The following NTM variants were observed in gnomAD, a reference collection of about 807,000 sequenced individuals.
NTM encodes the protein IgLON family member 2.
In NTM, 13 loss-of-function variants were observed where a neutral mutation model predicts 42.1. That is an observed-to-expected ratio of 0.31 (90% CI 0.20 to 0.49). NTM has a LOEUF of 0.49. Among genes scored for constraint, NTM ranks in the 20% least tolerant of loss-of-function variants. NTM has a pLI of 0.99. For synonymous variants in NTM, 187 were observed against 179.2 expected, an observed-to-expected ratio of 1.04 and a Z score of -0.35; for missense variants, 373 against 452.8, an observed-to-expected ratio of 0.82 and a Z score of 1.60.
chr11:131,534,761 T>G (rs1307180591), intron 1 of NTM: 1 of 152,186 alleles, frequency 6.6e-6, no homozygotes, highest in African/African-American at 2.4e-5. Flanking sequence ...CTGAAGTGGT[T>G]GTACTGTGGC....
chr11:131,689,020 T>C (rs2074304622), intron 1 of NTM, among the ~76,000 whole-genome samples: 1 of 151,474 alleles, frequency 6.6e-6, no homozygotes, highest in East Asian at 1.9e-4. Flanking sequence ...TTAGTTTTAA[T>C]TTTACACGTG....
intron 1 of NTM, among the ~76,000 whole-genome samples, chr11:131,378,519 C>T (rs2135504910): frequency 6.6e-6 from 1 of 152,276 alleles, no homozygotes; most frequent in South Asian, 2.1e-4. Context: ...CGTGCTATCT[C>T]ATATATATGA....
In NTM at chr11:131,907,684, G is replaced by A. The variant is rs1304686568; in HGVS notation, c.83-3880G>A. Among the ~76,000 whole-genome samples, 3 of 152,288 alleles carry A rather than the reference G, an allele frequency of 2.0e-5. No individual in the cohort carries two copies. The South Asian group carries it at 6.2e-4, about 32-fold the overall frequency. On this transcript the variant is annotated intron_variant, in intron 1 of 8. Coordinates refer to ENST00000683400, the MANE Select transcript of NTM (RefSeq NM_001352005.2). Reference sequence around the variant, plus strand: ...GAGGGTGGAGGTGGGCGCTCGTTAGGAATCGGCTTTCAAGGAGGCAGAAAG... The same window carrying A: ...GAGGGTGGAGGTGGGCGCTCGTTAGAAATCGGCTTTCAAGGAGGCAGAAAG...
intron 1 of NTM, among the ~76,000 whole-genome samples, chr11:131,901,610 C>T (rs1394583914): frequency 6.6e-6 from 1 of 151,824 alleles, no homozygotes; most frequent in Non-Finnish European, 1.5e-5. Context: ...ACATGTCAAT[C>T]TACCCTTGAT....
At chr11:131,729,703 TG>T (rs1175582949) in intron 1 of NTM, among the ~76,000 whole-genome samples, 1 of 152,256 alleles carries the variant, frequency 6.6e-6, no homozygotes, top group African/African-American at 2.4e-5. Context: ...CTTTTGTTTC[TG>T]GCTTCTTCAT....
chr11:131,614,301 C>T (rs1303266019), intron 1 of NTM, among the ~76,000 whole-genome samples: 1 of 152,234 alleles, frequency 6.6e-6, no homozygotes, highest in East Asian at 1.9e-4. Flanking sequence ...CCATAAATGC[C>T]CCATGCCCAG....
intron 1 of NTM, among the ~76,000 whole-genome samples, chr11:131,635,393 G>A (rs1350634146): frequency 1.3e-5 from 2 of 152,150 alleles, no homozygotes; most frequent in Admixed American, 6.6e-5. Flanking sequence ...CTCAGCTAAT[G>A]TGTGTGTTTG....
At chr11:131,661,048 G>C in intron 1 of NTM, 1 of 1,303,778 alleles carries the variant, frequency 7.7e-7, no homozygotes. Flanking sequence ...GAAGGGCACA[G>C]GTAGGTGCAT....
intron 4 of NTM, among the ~76,000 whole-genome samples, chr11:132,258,863 C>T (rs1005752692): frequency 1.3e-5 from 2 of 152,166 alleles, no homozygotes; most frequent in African/African-American, 2.4e-5. Flanking sequence ...AGACATCCTT[C>T]GTGTGTGTGA....
At chr11:131,746,275 C>T (rs1412129076) in intron 1 of NTM, among the ~76,000 whole-genome samples, 5 of 152,156 alleles carry the variant, frequency 3.3e-5, no homozygotes, top group African/African-American at 4.8e-5. Flanking sequence ...ACATCTTTCA[C>T]GGGCTGGTTG....
At chr11:131,865,685 C>T (rs997874296) in intron 1 of NTM, among the ~76,000 whole-genome samples, 1 of 151,782 alleles carries the variant, frequency 6.6e-6, no homozygotes, top group Non-Finnish European at 1.5e-5. Flanking sequence ...CACTCACATA[C>T]ACACCAAAAA....
chr11:131,791,441 A>G (rs191470407), intron 1 of NTM, among the ~76,000 whole-genome samples: 2 of 152,362 alleles, frequency 1.3e-5, no homozygotes, highest in South Asian at 2.1e-4. Context: ...CAATATATGC[A>G]TACAGAGAAA....
At chr11:131,498,748 G>A (rs1289439389) in intron 1 of NTM, among the ~76,000 whole-genome samples, 5 of 152,182 alleles carry the variant, frequency 3.3e-5, no homozygotes, top group African/African-American at 1.2e-4. Context: ...GGAAGGGCTG[G>A]GGGGAAGCCA....
chr11:131,471,221 TTCTA>T (rs1270336968), intron 1 of NTM, among the ~76,000 whole-genome samples: 1 of 152,216 alleles, frequency 6.6e-6, no homozygotes, highest in African/African-American at 2.4e-5. Flanking sequence ...CCCAAGATAA[TTCTA>T]TCTGTGATTT....
chr11:132,254,065 C>G (rs1229915087), intron 4 of NTM, among the ~76,000 whole-genome samples: 1 of 152,276 alleles, frequency 6.6e-6, no homozygotes, highest in East Asian at 1.9e-4. Flanking sequence ...GCCAAAGCCT[C>G]CTCTCACCTG....
At chr11:132,219,061 C>T (rs1056493768) in intron 4 of NTM, among the ~76,000 whole-genome samples, 2 of 152,176 alleles carry the variant, frequency 1.3e-5, no homozygotes, top group African/African-American at 4.8e-5. Flanking sequence ...TTTCTCCACA[C>T]ACCACAGTCA....
intron 4 of NTM, among the ~76,000 whole-genome samples, chr11:132,220,922 G>A (rs2085020063): frequency 6.6e-6 from 1 of 152,178 alleles, no homozygotes; most frequent in African/African-American, 2.4e-5. Flanking sequence ...GCACCCATAA[G>A]AGTCAGCACC....
chr11:131,886,419 C>A (rs1189171542), intron 1 of NTM, among the ~76,000 whole-genome samples: 1 of 151,576 alleles, frequency 6.6e-6, no homozygotes, highest in Non-Finnish European at 1.5e-5. Flanking sequence ...AGCCTCTTCC[C>A]CGTTCCCCAC....
intron 1 of NTM, among the ~76,000 whole-genome samples, chr11:131,628,364 G>C (rs2063324561): frequency 6.6e-6 from 1 of 152,186 alleles, no homozygotes. Flanking sequence ...TGTGATAATA[G>C]GCCCGGCCCA....
Sources: gnomAD v4.1 joint callset for allele counts (sites outside exome capture counted in the v4.1 genomes callset) on GRCh38, gnomAD v4.1.1 for gene constraint, MANE v1.5 for transcripts, NCBI Gene and HGNC (gene_info 2026-07-23, HGNC 2026-07-21) for gene names.